ROBO2: variants seen among roughly 807,000 people sequenced by gnomAD.
ROBO2 encodes roundabout guidance receptor 2, also known as roundabout homolog 2.
Under a neutral mutation model 160.8 loss-of-function variants are expected in ROBO2, and 53 were observed. The observed-to-expected ratio is 0.33, with a 90% CI of 0.26 to 0.41. The LOEUF is 0.41. ROBO2 is among the 10% of genes least tolerant of loss of function. ROBO2 has a pLI of 1.00. For synonymous variants in ROBO2, 664 were observed against 611.7 expected, an observed-to-expected ratio of 1.09 and a Z score of -1.26; for missense variants, 1,577 against 1,722.4, an observed-to-expected ratio of 0.92 and a Z score of 1.49.
intron 1 of ROBO2, among the ~76,000 whole-genome samples, chr3:77,082,926 G>GA (rs920102678): frequency 3.0e-4 from 46 of 151,378 alleles, no homozygotes; most frequent in African/African-American, 1.0e-3. Flanking sequence ...ACACCAAATG[G>GA]AAAAAAAATC....
intron 2 of ROBO2, among the ~76,000 whole-genome samples, chr3:76,927,202 C>T (rs1053447520): frequency 6.6e-6 from 1 of 152,076 alleles, no homozygotes; most frequent in African/African-American, 2.4e-5. Flanking sequence ...ATGAATAGAA[C>T]TGTAAGTATC....
intron 2 of ROBO2, among the ~76,000 whole-genome samples, chr3:76,760,629 C>T (rs946175126): frequency 2.0e-5 from 3 of 151,542 alleles, no homozygotes; most frequent in Non-Finnish European, 4.4e-5. Context: ...TTTGCTCTTA[C>T]ACACACACAC....
At chr3:76,923,267 C>T (rs913546108) in intron 2 of ROBO2, among the ~76,000 whole-genome samples, 1 of 152,182 alleles carries the variant, frequency 6.6e-6, no homozygotes, top group Non-Finnish European at 1.5e-5. Context: ...CTTCTGAACA[C>T]CGTTATCATC....
At chr3:76,396,248 A>G (rs2077441050) in intron 2 of ROBO2, among the ~76,000 whole-genome samples, 1 of 152,312 alleles carries the variant, frequency 6.6e-6, no homozygotes, top group African/African-American at 2.4e-5. Context: ...CAGATGAAGA[A>G]AAGGCCTCTC....
intron 2 of ROBO2, among the ~76,000 whole-genome samples, chr3:76,036,810 C>G (rs989376130): frequency 6.6e-6 from 1 of 152,024 alleles, no homozygotes; most frequent in Non-Finnish European, 1.5e-5. Flanking sequence ...GGCCATTTCT[C>G]CACTTTTTCA....
At chr3:77,057,997 A>T (rs143185129) in intron 1 of ROBO2, among the ~76,000 whole-genome samples, 1 of 152,326 alleles carries the variant, frequency 6.6e-6, no homozygotes, top group Non-Finnish European at 1.5e-5. Flanking sequence ...AATTAAAAAA[A>T]AAGAAAAACA....
chr3:76,161,976 T>A (rs548320004), intron 2 of ROBO2, among the ~76,000 whole-genome samples: 1 of 152,356 alleles, frequency 6.6e-6, no homozygotes, highest in Non-Finnish European at 1.5e-5. Context: ...TTGAAATATA[T>A]GTGGCTATGT....
chr3:76,490,767 T>A (rs1315385079), intron 2 of ROBO2, among the ~76,000 whole-genome samples: 1 of 152,192 alleles, frequency 6.6e-6, no homozygotes, highest in Non-Finnish European at 1.5e-5. Context: ...TCTATCGCAT[T>A]AGTTATGTGT....
chr3:76,981,834 G>A (rs1190257393), intron 2 of ROBO2, among the ~76,000 whole-genome samples: 2 of 152,048 alleles, frequency 1.3e-5, no homozygotes, highest in Non-Finnish European at 2.9e-5. Context: ...CAAAAACAGG[G>A]GCAAGAGAGA....
intron 2 of ROBO2, among the ~76,000 whole-genome samples, chr3:77,230,581 G>A (rs1428073097): frequency 1.3e-5 from 2 of 152,196 alleles, no homozygotes; most frequent in East Asian, 1.9e-4. Context: ...ACCATTGTTA[G>A]GGCATATTAC....
At chr3:76,739,135 T>C (rs1287336024) in intron 2 of ROBO2, among the ~76,000 whole-genome samples, 1 of 152,128 alleles carries the variant, frequency 6.6e-6, no homozygotes, top group African/African-American at 2.4e-5. Flanking sequence ...ACTGGGTATA[T>C]ACCCAAAGGA....
chr3:77,127,448 T>C (rs1314676528), intron 2 of ROBO2, among the ~76,000 whole-genome samples: 1 of 152,178 alleles, frequency 6.6e-6, no homozygotes, highest in Admixed American at 6.5e-5. Flanking sequence ...AATCCTTTTA[T>C]TATAGATTAT....
At chr3:76,727,432 T>A (rs1429281412) in intron 2 of ROBO2, among the ~76,000 whole-genome samples, 1 of 152,190 alleles carries the variant, frequency 6.6e-6, no homozygotes, top group African/African-American at 2.4e-5. Flanking sequence ...TTGGCCAATT[T>A]ATTTTGAGTA....
chr3:77,294,834 A>C (rs1284894341), intron 2 of ROBO2, among the ~76,000 whole-genome samples: 1 of 151,266 alleles, frequency 6.6e-6, no homozygotes, highest in Non-Finnish European at 1.5e-5. Context: ...AGTAAAATTA[A>C]TGGTTAAACG....
chr3:77,499,650 G>A (rs1009479318), intron 5 of ROBO2, among the ~76,000 whole-genome samples: 48 of 143,870 alleles, frequency 3.3e-4, no homozygotes, highest in Non-Finnish European at 3.9e-4. Context: ...TATCACTTAC[G>A]CTTTTTTTTT....
chr3:76,996,157 G>A (rs2060991351), intron 2 of ROBO2, among the ~76,000 whole-genome samples: 1 of 152,138 alleles, frequency 6.6e-6, no homozygotes. Flanking sequence ...TCCAGTTTCA[G>A]CTTTCTACAT....
chr3:77,161,571 G>A (rs2078490466), intron 2 of ROBO2, among the ~76,000 whole-genome samples: 1 of 152,126 alleles, frequency 6.6e-6, no homozygotes, highest in Non-Finnish European at 1.5e-5. Flanking sequence ...ACATTATTTA[G>A]ATAGTGATTT....
intron 2 of ROBO2, among the ~76,000 whole-genome samples, chr3:76,481,140 C>T (rs530647512): frequency 1.2e-4 from 19 of 152,104 alleles, no homozygotes; most frequent in East Asian, 9.7e-4. Flanking sequence ...TGTGATGTCG[C>T]GGTTTTTGAA....
chr3:76,455,798 C>T (rs149335975), intron 2 of ROBO2, among the ~76,000 whole-genome samples: 35 of 152,240 alleles, frequency 2.3e-4, no homozygotes, highest in Non-Finnish European at 4.3e-4. Context: ...CCAGTGTCCA[C>T]GTTGACTCAT....
Sources: allele counts gnomAD v4.1 joint callset (sites outside exome capture counted in the v4.1 genomes callset), GRCh38; gene constraint gnomAD v4.1.1; transcripts MANE v1.5; gene names NCBI Gene and HGNC (gene_info 2026-07-23, HGNC 2026-07-21).